The following DERPC variants were observed in gnomAD, a reference collection of about 807,000 sequenced individuals.
DERPC encodes decreased expression in renal and prostate cancer protein.
Under a neutral mutation model 7.2 loss-of-function variants are expected in DERPC, and 1 was observed. The observed-to-expected ratio is 0.14, with a 90% CI of 0.05 to 0.66. The LOEUF (loss-of-function observed/expected upper bound fraction) is 0.66, where lower values mean the gene tolerates loss of function less well. Ranked by LOEUF, DERPC falls within the 30% of genes least tolerant of loss-of-function variation. The pLI, the probability that DERPC is intolerant of heterozygous loss-of-function variation, is 0.84. For missense variants in DERPC, 502 were observed against 299.4 expected, an observed-to-expected ratio of 1.68 and a Z score of -4.99; for synonymous variants, 185 against 117.6, an observed-to-expected ratio of 1.57 and a Z score of -3.71.
intron 1 of DERPC, among the ~76,000 whole-genome samples, chr16:69,122,992 C>A (rs1397625933): frequency 6.6e-6 from 1 of 152,094 alleles, no homozygotes; most frequent in Admixed American, 6.5e-5. Flanking sequence ...ATCTCTTGAC[C>A]TCATGATCCG....
At chr16:69,130,257 A>C (rs1431198439) in intron 1 of DERPC, among the ~76,000 whole-genome samples, 1 of 152,220 alleles carries the variant, frequency 6.6e-6, no homozygotes, top group Non-Finnish European at 1.5e-5. Context: ...TCAACGGTTT[A>C]ACCTCAATAC....
rs1328277943 is a variant in DERPC, at chr16:69,118,495, T to C, written c.*359A>G. 1 of 1,277,636 alleles carries C rather than the reference T, an allele frequency of 7.8e-7. No individual in the cohort carries two copies. Among genetic ancestry groups the C allele is most frequent in the Non-Finnish European group, 1.1e-6 (1 of 872,152 alleles). The allele number at this position is 1,277,636 out of a possible 1,614,324, so 79.1% of individuals were successfully genotyped here. Reference sequence around the variant, plus strand: ...CTCCAATGGTGAGCAGGGGACTACATGTGAACTGGGACCTGCAGGCCAATG... The same window carrying C: ...CTCCAATGGTGAGCAGGGGACTACACGTGAACTGGGACCTGCAGGCCAATG... On this transcript the variant is annotated 3_prime_UTR_variant, in exon 3 of 3. Coordinates refer to ENST00000519520, the MANE Select transcript of DERPC (RefSeq NM_001002847.4).
At chr16:69,128,204 C>T (rs1039955961) in intron 1 of DERPC, among the ~76,000 whole-genome samples, 4 of 152,110 alleles carry the variant, frequency 2.6e-5, no homozygotes, top group Admixed American at 2.0e-4. Flanking sequence ...TGAACCACAG[C>T]GCCCGGCTAA....
chr16:69,120,194 A>G lies in DERPC; in HGVS notation c.235T>C (p.Leu79=), dbSNP rs1056541290. 62 of 702,072 alleles carry G rather than the reference A, an allele frequency of 8.8e-5. No homozygotes were observed. Among genetic ancestry groups the G allele is most frequent in the African/African-American group, 8.4e-4 (48 of 57,234 alleles). The allele number at this position is 702,072 out of a possible 1,614,324, so 43.5% of individuals were successfully genotyped here. ...PSPFPASSGS[L]ASNPAPFPAG... ...GGGAAAGGTGCTGGATTTGAAGCCAATGAGCCTGATGAAGCTGGAAAAGGA... is the reference window on the plus strand; with the variant it reads ...GGGAAAGGTGCTGGATTTGAAGCCAGTGAGCCTGATGAAGCTGGAAAAGGA... The change falls in exon 3 of 3, where the codon TTG becomes CTG. Residue 79 remains leucine, a synonymous_variant. Transcript: ENST00000519520. This position sits in a 1 kb window ranked among gnomAD's most constrained non-coding sequence, Gnocchi z 4.0.
chr16:69,118,773 A>G lies in DERPC; in HGVS notation c.*81T>C. On this transcript the variant is annotated 3_prime_UTR_variant, in exon 3 of 3. Transcript: ENST00000519520. ...TATGTTCTTCAGACTGTAGCTCCAC[A>G]ACTACCCTTTTACCTAAGACAGCCC... The G allele has an allele frequency of 1.6e-6, 1 of 642,226 alleles. No homozygotes were observed. Among genetic ancestry groups the G allele is most frequent in the Non-Finnish European group, 2.8e-6 (1 of 357,454 alleles). 39.8% of individuals were successfully genotyped at this position (642,226 alleles called of 1,614,324 possible).
At chr16:69,132,075 C>T (rs1424995703) in intron 1 of DERPC, 1 of 154,630 alleles carries the variant, frequency 6.5e-6, no homozygotes, top group East Asian at 1.9e-4. Context: ...GGAAGAGCCC[C>T]TTCCCGCACG....
chr16:69,122,539 A>ATTT (rs764144816), intron 1 of DERPC, among the ~76,000 whole-genome samples: 1,807 of 130,720 alleles, frequency 0.014, 19 homozygotes, highest in Non-Finnish European at 0.019. Flanking sequence ...TACCCAGCTA[A>ATTT]TTTTTTTTTT....
chr16:69,121,637 C>T (rs184518841), intron 1 of DERPC, 144 bp from the exon 2 acceptor site: 55 of 538,752 alleles, frequency 1.0e-4, no homozygotes, highest in Non-Finnish European at 1.5e-4. Context: ...ACCACTATGG[C>T]CAGCTAACTT....
rs1961808963 is a variant in DERPC, at chr16:69,123,167, C to CT, written c.-279-1675dup. Among the ~76,000 whole-genome samples the CT allele has an allele frequency of 3.9e-5, 6 of 152,244 alleles. No individual in the cohort carries two copies. The South Asian group carries it at 1.2e-3, about 32-fold the overall frequency. Reference sequence around the variant, plus strand: ...TACTGCCCGGGCTTAAGTGATCCTCCTACCTCAGCTTCTCAAAGTGTTGGG... The same window carrying CT: ...TACTGCCCGGGCTTAAGTGATCCTCCTTACCTCAGCTTCTCAAAGTGTTGGG... On this transcript the variant is annotated intron_variant, in intron 1 of 2. Transcript: ENST00000519520.
chr16:69,119,113 A>G lies in DERPC; in HGVS notation c.1316T>C (p.Val439Ala). The G allele has an allele frequency of 1.4e-6, 1 of 703,046 alleles. No individual in the cohort carries two copies. 43.6% of individuals were successfully genotyped at this position (703,046 alleles called of 1,614,324 possible). The change falls in exon 3 of 3, where the codon GTT (valine) becomes GCT (alanine). Residue 439 changes from valine (V) to alanine (A), a missense_variant. Coordinates refer to ENST00000519520, the MANE Select transcript of DERPC (RefSeq NM_001002847.4). Reference protein sequence around the residue: ...RSTGPLGPGQVTFPRPAAGHL... With the variant: ...RSTGPLGPGQATFPRPAAGHL... ...CCCGGCAGCTGGCCTGGGGAAAGTA[A>G]CTTGACCAGGGCCTAATGGGCCAGT...
Position 69,119,128 on chromosome 16 carries a change from A to G in DERPC, c.1301T>C (p.Leu434Ser), listed in dbSNP as rs758079161. The G allele has an allele frequency of 1.8e-5, 13 of 703,056 alleles. No homozygotes were observed. Among genetic ancestry groups the G allele is most frequent in the South Asian group, 1.5e-4 (10 of 67,574 alleles). The allele number at this position is 703,056 out of a possible 1,614,324, so 43.6% of individuals were successfully genotyped here. A position where few individuals can be genotyped will look rare whatever the true frequency, so the allele number is the denominator to read the frequency against. Residue 434 changes from leucine to serine, a missense_variant, in exon 3 of 3, where the codon TTA becomes TCA. Leu to Ser is a moderately radical substitution (Grantham distance 145). Coordinates refer to ENST00000519520, the MANE Select transcript of DERPC (RefSeq NM_001002847.4). ...GGGGAAAGTAACTTGACCAGGGCCT[A>G]ATGGGCCAGTAGACCTTGGGAAGGT... ...PTTFPRSTGP[L>S]GPGQVTFPRP... is the part of the protein sequence containing the mutation.
At chr16:69,128,363 A>G (rs1459731730) in intron 1 of DERPC, among the ~76,000 whole-genome samples, 1 of 152,202 alleles carries the variant, frequency 6.6e-6, no homozygotes, top group African/African-American at 2.4e-5. Context: ...TAAATTCATT[A>G]TATTACAGTG....
At chr16:69,126,784 A>G (rs923712900) in intron 1 of DERPC, among the ~76,000 whole-genome samples, 1 of 152,088 alleles carries the variant, frequency 6.6e-6, no homozygotes, top group Non-Finnish European at 1.5e-5. Flanking sequence ...AGCACCTTAA[A>G]ATATCCTGTA....
intron 1 of DERPC, among the ~76,000 whole-genome samples, chr16:69,128,000 C>T (rs763459236): frequency 6.6e-5 from 10 of 151,342 alleles, no homozygotes; most frequent in Non-Finnish European, 7.4e-5. Flanking sequence ...CTGCAACCTC[C>T]GCTGCCCAGG....
Position 69,119,007 on chromosome 16 carries a change from G to C in DERPC, c.1422C>G (p.Asn474Lys), listed in dbSNP as rs1961393721. 1 of 702,964 alleles carries C rather than the reference G, an allele frequency of 1.4e-6. No homozygotes were observed. Among genetic ancestry groups the C allele is most frequent in the African/African-American group, 1.7e-5 (1 of 57,282 alleles). 43.5% of individuals were successfully genotyped at this position (702,964 alleles called of 1,614,324 possible). Residue 474 changes from asparagine to lysine, a missense_variant, in exon 3 of 3, where the codon AAC (asparagine) becomes AAG (lysine). Coordinates refer to ENST00000519520, the MANE Select transcript of DERPC (RefSeq NM_001002847.4). The stretch of plus-strand genomic sequence containing the variant: ...CATTCATCCTTGGAAAGGAAGCTGG[G>C]TTGAGACCCAGGGTCCCAGTTGGCC... ...FTRPTGTLGL[N>K]PASFPRMNGP...
At position 69,120,667 on chromosome 16, in the gene DERPC, C is replaced by G. The variant is rs199854490; in HGVS notation, c.-221-18G>C. 1 of 1,598,204 alleles carries G rather than the reference C, an allele frequency of 6.3e-7. No homozygotes were observed. The highest frequency in any genetic ancestry group is 1.1e-5 in the South Asian group (1 of 90,382). On this transcript the variant is annotated intron_variant, in intron 2 of 2. Coordinates refer to ENST00000519520, the MANE Select transcript of DERPC (RefSeq NM_001002847.4). This position sits in a 1 kb window ranked among gnomAD's most constrained non-coding sequence, Gnocchi z 4.0. The stretch of plus-strand genomic sequence containing the variant: ...GGGATTCCCTTTGGCAGAACAAGAA[C>G]GAGATTCCTGAGGTTCCGGGGCAAG...
At position 69,118,522 on chromosome 16, in the gene DERPC, A is replaced by T. The variant is rs1229061651; in HGVS notation, c.*332T>A. 1 of 985,384 alleles carries T rather than the reference A, an allele frequency of 1.0e-6. No homozygotes were observed. Among genetic ancestry groups the T allele is most frequent in the South Asian group, 1.3e-5 (1 of 78,110 alleles). 61.0% of individuals were successfully genotyped at this position (985,384 alleles called of 1,614,324 possible). A position where few individuals can be genotyped will look rare whatever the true frequency, so the allele number is the denominator to read the frequency against. On this transcript the variant is annotated 3_prime_UTR_variant, in exon 3 of 3. Coordinates refer to ENST00000519520, the MANE Select transcript of DERPC (RefSeq NM_001002847.4). ...TGAACTGGGACCTGCAGGCCAATGT[A>T]TCCCTGAGGAAAAGTCCACAAGAAC...
At chr16:69,123,846 G>A (rs1961858133) in intron 1 of DERPC, among the ~76,000 whole-genome samples, 1 of 151,472 alleles carries the variant, frequency 6.6e-6, no homozygotes, top group Admixed American at 6.6e-5. Flanking sequence ...CCAGAACTTT[G>A]GGAGACCAAA....
chr16:69,127,712 T>C (rs1015179555), intron 1 of DERPC, among the ~76,000 whole-genome samples: 67 of 146,212 alleles, frequency 4.6e-4, no homozygotes, highest in Non-Finnish European at 8.6e-4. Context: ...CAGGTTCAAG[T>C]GATTCTCCTG....
Sources: allele counts gnomAD v4.1 joint callset (sites outside exome capture counted in the v4.1 genomes callset), GRCh38; gene constraint gnomAD v4.1.1; non-coding constraint Gnocchi (gnomAD v3.1); transcripts MANE v1.5; gene names NCBI Gene and HGNC (gene_info 2026-07-23, HGNC 2026-07-21).